KCNH7: variants seen among roughly 807,000 people sequenced by gnomAD.
KCNH7 encodes potassium voltage-gated channel subfamily H member 7.
KCNH7 carries 49 observed loss-of-function variants against 120.8 expected under a neutral mutation model. The observed-to-expected ratio is 0.41, with a 90% CI of 0.32 to 0.51. The LOEUF (loss-of-function observed/expected upper bound fraction) is 0.51. Ranked by LOEUF, KCNH7 falls within the 20% of genes least tolerant of loss-of-function variation. The pLI is 0.38. For synonymous variants in KCNH7, 547 were observed against 516.1 expected (o/e 1.06, Z -0.81); for missense variants, 1,097 against 1,446.6 (o/e 0.76, Z 3.92).
chr2:162,470,494 G>A (rs1055899655), intron 6 of KCNH7, among the ~76,000 whole-genome samples: 7 of 151,962 alleles, frequency 4.6e-5, no homozygotes, highest in African/African-American at 1.7e-4. Flanking sequence ...TGAGAAGTGA[G>A]GAGCCCCTCT....
intron 7 of KCNH7, among the ~76,000 whole-genome samples, chr2:162,439,529 T>C (rs1246532552): frequency 6.6e-6 from 1 of 152,140 alleles, no homozygotes; most frequent in Non-Finnish European, 1.5e-5. Flanking sequence ...ACTCAACTTA[T>C]TTATTGTGAT....
chr2:162,793,393 C>T (rs571742807), intron 2 of KCNH7, among the ~76,000 whole-genome samples: 27 of 151,548 alleles, frequency 1.8e-4, no homozygotes, highest in East Asian at 3.9e-4. Flanking sequence ...CAATAAACCC[C>T]GATGAAACAA....
At chr2:162,635,705 G>A (rs1683930692) in intron 2 of KCNH7, among the ~76,000 whole-genome samples, 3 of 152,044 alleles carry the variant, frequency 2.0e-5, no homozygotes, top group East Asian at 1.9e-4. Flanking sequence ...GACTTAGAAT[G>A]TTTCTCCATT....
chr2:162,709,245 A>G (rs1243084570), intron 2 of KCNH7, among the ~76,000 whole-genome samples: 1 of 152,132 alleles, frequency 6.6e-6, no homozygotes, highest in Non-Finnish European at 1.5e-5. Context: ...AATTTAAGAC[A>G]AAGTATTTAA....
At chr2:162,417,855 G>A (rs1335670068) in intron 9 of KCNH7, among the ~76,000 whole-genome samples, 1 of 152,140 alleles carries the variant, frequency 6.6e-6, no homozygotes, top group African/African-American at 2.4e-5. Context: ...GCTTGACATT[G>A]TTCATGTCAG....
chr2:162,651,634 T>C (rs935999684), intron 2 of KCNH7, among the ~76,000 whole-genome samples: 3 of 152,320 alleles, frequency 2.0e-5, no homozygotes, highest in East Asian at 3.9e-4. Flanking sequence ...TCCATGTCTT[T>C]GCTATTGTGA....
intron 2 of KCNH7, among the ~76,000 whole-genome samples, chr2:162,610,821 A>C (rs1353259766): frequency 6.6e-6 from 1 of 152,226 alleles, no homozygotes; most frequent in East Asian, 1.9e-4. Context: ...AATGTGGAGA[A>C]ATTAGGATTT....
intron 9 of KCNH7, among the ~76,000 whole-genome samples, chr2:162,402,390 C>T (rs1023291472): frequency 6.8e-6 from 1 of 146,622 alleles, no homozygotes; most frequent in African/African-American, 2.5e-5. Context: ...GGCCACTTTG[C>T]TTGGGGGCCA....
At chr2:162,779,797 G>T (rs560547869) in intron 2 of KCNH7, among the ~76,000 whole-genome samples, 1 of 152,030 alleles carries the variant, frequency 6.6e-6, no homozygotes, top group South Asian at 2.1e-4. Flanking sequence ...GCTCAACTCC[G>T]TGTCATTGTA....
chr2:162,761,852 C>A (rs1462587257), intron 2 of KCNH7, among the ~76,000 whole-genome samples: 3 of 152,078 alleles, frequency 2.0e-5, no homozygotes, highest in African/African-American at 7.2e-5. Flanking sequence ...CTCAGCTGTG[C>A]CAGAACCTCT....
intron 2 of KCNH7, among the ~76,000 whole-genome samples, chr2:162,711,585 G>A (rs1269171167): frequency 2.6e-5 from 4 of 152,186 alleles, no homozygotes; most frequent in Non-Finnish European, 5.9e-5. Flanking sequence ...ATAACTTTGA[G>A]CTATTGTGTG....
chr2:162,827,494 G>A (rs1178980170), intron 2 of KCNH7, among the ~76,000 whole-genome samples: 1 of 150,568 alleles, frequency 6.6e-6, no homozygotes, highest in Non-Finnish European at 1.5e-5. Context: ...GCATATACTA[G>A]CTATCCTCAT....
intron 2 of KCNH7, among the ~76,000 whole-genome samples, chr2:162,575,736 A>C (rs1474605329): frequency 1.3e-5 from 2 of 152,104 alleles, no homozygotes; most frequent in Non-Finnish European, 2.9e-5. Context: ...TGCCTTTTCA[A>C]AACAACAGCA....
intron 6 of KCNH7, among the ~76,000 whole-genome samples, chr2:162,472,299 G>A (rs1049572825): frequency 1.3e-5 from 2 of 152,046 alleles, no homozygotes; most frequent in East Asian, 1.9e-4. Context: ...GAGTGAACAG[G>A]CAACCTACAG....
chr2:162,730,046 T>C (rs1473820987), intron 2 of KCNH7, among the ~76,000 whole-genome samples: 1 of 150,504 alleles, frequency 6.6e-6, no homozygotes, highest in Non-Finnish European at 1.5e-5. Flanking sequence ...AATATGTAAA[T>C]ACAACGTGTG....
At chr2:162,812,255 A>G (rs1684756462) in intron 2 of KCNH7, among the ~76,000 whole-genome samples, 1 of 152,096 alleles carries the variant, frequency 6.6e-6, no homozygotes, top group African/African-American at 2.4e-5. Context: ...ATATTTGAGG[A>G]AAAGTGACAC....
chr2:162,727,016 T>C (rs2105384071), intron 2 of KCNH7, among the ~76,000 whole-genome samples: 1 of 152,324 alleles, frequency 6.6e-6, no homozygotes, highest in South Asian at 2.1e-4. Flanking sequence ...TGTTTTTCAG[T>C]AGATAGGGTT....
intron 2 of KCNH7, chr2:162,784,841 A>G (rs1346629977): frequency 6.6e-6 from 1 of 152,188 alleles, no homozygotes; most frequent in Non-Finnish European, 1.5e-5. Context: ...GTTTTGGAAA[A>G]TTTCAGCAAA....
chr2:162,655,931 T>C (rs772426756), intron 2 of KCNH7, among the ~76,000 whole-genome samples: 67 of 152,244 alleles, frequency 4.4e-4, no homozygotes, highest in Non-Finnish European at 8.7e-4. Context: ...ATCTCTAGTA[T>C]ACATCTCTCA....
Sources: allele counts gnomAD v4.1 joint callset (sites outside exome capture counted in the v4.1 genomes callset), GRCh38; gene constraint gnomAD v4.1.1; transcripts MANE v1.5; gene names NCBI Gene and HGNC (gene_info 2026-07-23, HGNC 2026-07-21).